Variants in IGSF9 observed in about 807,000 individuals in gnomAD.
The protein encoded by IGSF9 is protein turtle homolog A.
IGSF9 carries 87 observed loss-of-function variants against 121.7 expected under a neutral mutation model. The observed-to-expected ratio is 0.71, with a 90% CI of 0.60 to 0.85. The LOEUF (loss-of-function observed/expected upper bound fraction) is 0.85. Among genes scored for constraint, IGSF9 ranks in the 40% least tolerant of loss-of-function variants. IGSF9 has a pLI of 0.00. For synonymous variants in IGSF9, 640 were observed against 648.4 expected (o/e 0.99, Z 0.20); for missense variants, 1,462 against 1,565.3 (o/e 0.93, Z 1.11).
intron 3 of IGSF9, among the ~76,000 whole-genome samples, chr1:159,938,501 C>A (rs754031375): frequency 5.9e-5 from 9 of 152,198 alleles, no homozygotes; most frequent in Non-Finnish European, 1.2e-4. Flanking sequence ...CACAGCACAA[C>A]CAGACACCTC....
chr1:159,930,786 C>A lies in IGSF9; in HGVS notation c.1719G>T (p.Gly573=), dbSNP rs768495490. Residue 573 remains glycine (G), a synonymous_variant, in exon 14 of 21, where the codon GGG becomes GGT. Coordinates refer to ENST00000368094, the MANE Select transcript of IGSF9 (RefSeq NM_001135050.2). ...ACTGGTACTGGGTGTGGGGCTGCAG[C>A]CCTGGCACTAGGAGGTGAGCAGCCC... ...PVGAAHLLVP[G]LQPHTQYQFS... 4 of 1,614,118 alleles carry A rather than the reference C, an allele frequency of 2.5e-6. No homozygotes were observed. Among genetic ancestry groups the A allele is most frequent in the Non-Finnish European group, 3.4e-6 (4 of 1,179,980 alleles).
At chr1:159,927,627 A>G (rs2101872449) in intron 20 of IGSF9, 101 bp from the exon 21 acceptor site, 2 of 1,537,256 alleles carry the variant, frequency 1.3e-6, no homozygotes, top group East Asian at 4.5e-5. Flanking sequence ...AGATGGCCCA[A>G]GGGGGCAAGG....
chr1:159,930,985 C>T (rs1476549986), intron 13 of IGSF9, 118 bp from the exon 14 acceptor site: 6 of 1,433,542 alleles, frequency 4.2e-6, no homozygotes, highest in Non-Finnish European at 4.7e-6. Context: ...GGACCTTGGC[C>T]CTGAATGCCT....
In IGSF9 at chr1:159,929,396, G is replaced by C. The variant is rs376882006; in HGVS notation, c.2327-3C>G. 3.7e-6 allele frequency: 6 copies of C among 1,613,990 alleles called. No homozygotes were observed. In the African/African-American group the frequency reaches 5.3e-5, roughly 14 times the overall value. Reference sequence around the variant, plus strand: ...CGGAGAGAAGATAAGAGGTGGATCTGGAAGGGCATGAGAATAGTAGGTGAC... The same window carrying C: ...CGGAGAGAAGATAAGAGGTGGATCTCGAAGGGCATGAGAATAGTAGGTGAC... On this transcript the variant is annotated splice_region_variant and splice_polypyrimidine_tract_variant and intron_variant, in intron 17 of 20. Transcript: ENST00000368094.
At chr1:159,937,630 G>C in intron 4 of IGSF9, 56 bp downstream of exon 4, 1 of 1,575,452 alleles carries the variant, frequency 6.3e-7, no homozygotes, top group Non-Finnish European at 8.7e-7. Context: ...ACCAGCCAGA[G>C]ATCCCCATCC....
rs573800058 is a variant in IGSF9, at chr1:159,929,762, G to C, written c.2202C>G (p.Pro734=). Residue 734 remains proline (P), a synonymous_variant, in exon 17 of 21, where the codon CCC becomes CCG. Transcript: ENST00000368094. ...CTCCGCCCACCACGCCGGCCAGCAC[G>C]GGCTGAGGCAGGAGGCCCGGCAGCT... The part of the protein sequence containing the change: ...RTQLPGLLPQ[P]VLAGVVGGVC... The C allele has an allele frequency of 1.9e-6, 3 of 1,606,162 alleles. No individual in the cohort carries two copies. Among genetic ancestry groups the C allele is most frequent in the African/African-American group, 1.3e-5 (1 of 74,940 alleles).
chr1:159,927,089 C>CAT lies in IGSF9; in HGVS notation c.*255_*256insAT. ...CTGTAAAAAACTTCACACACACACA[C>CAT]ACACACACAGAGAGAGAGAGAGAGA... On this transcript the variant is annotated 3_prime_UTR_variant, in exon 21 of 21. Transcript: ENST00000368094. 3.7e-6 allele frequency: 2 copies of CAT among 537,738 alleles called. No homozygotes were observed. Among genetic ancestry groups the CAT allele is most frequent in the Non-Finnish European group, 6.6e-6 (2 of 304,602 alleles). The allele number at this position is 537,738 out of a possible 1,614,324, so 33.3% of individuals were successfully genotyped here.
rs948032274 is a variant in IGSF9 at position 159,931,756 on chromosome 1, G to T, written c.1362+56C>A. 6 of 1,461,676 alleles carry T rather than the reference G, an allele frequency of 4.1e-6. No individual in the cohort carries two copies. The highest frequency in any genetic ancestry group is 4.7e-6 in the Non-Finnish European group (5 of 1,066,862). The allele number at this position is 1,461,676 out of a possible 1,614,324, so 90.5% of individuals were successfully genotyped here. A position where few individuals can be genotyped will look rare whatever the true frequency, so the allele number is the denominator to read the frequency against. ...CCCTCCCACAAAATGGCTGGGGCAC[G>T]AGAGGCAGGGGTGTAGTGGGCGTGG... On this transcript the variant is annotated intron_variant, in intron 11 of 20. Coordinates refer to ENST00000368094, the MANE Select transcript of IGSF9 (RefSeq NM_001135050.2). This position sits in a 1 kb window ranked among gnomAD's most constrained non-coding sequence, Gnocchi z 4.8.
In IGSF9 at chr1:159,927,095, C is replaced by CAGAGAG. The variant is rs575352607; in HGVS notation, c.*249_*250insCTCTCT. ...AAAACTTCACACACACACACACACA[C>CAGAGAG]ACAGAGAGAGAGAGAGAGAGAGAGA... On this transcript the variant is annotated 3_prime_UTR_variant, in exon 21 of 21. Transcript: ENST00000368094. 6.4e-3 allele frequency: 2,900 copies of CAGAGAG among 449,888 alleles called. 11 individuals are homozygous for CAGAGAG. Among genetic ancestry groups the CAGAGAG allele is most frequent in the African/African-American group, 0.023 (1,059 of 47,010 alleles). The allele number at this position is 449,888 out of a possible 1,614,324, so 27.9% of individuals were successfully genotyped here.
intron 3 of IGSF9, 101 bp from the exon 4 acceptor site, chr1:159,937,939 C>T: frequency 7.8e-7 from 1 of 1,275,118 alleles, no homozygotes; most frequent in African/African-American, 1.5e-5. Flanking sequence ...CAGGCTCAGT[C>T]TCTCCCAGTT....
rs1255979389 is a variant in IGSF9, at chr1:159,934,773, G to A, written c.723C>T (p.Ser241=). ...CATGGCAGGCCAATGAAACATCCTGGGAGGCATTGACTGTGCTGTTCTTGG... is the reference window on the plus strand; with the variant it reads ...CATGGCAGGCCAATGAAACATCCTGAGAGGCATTGACTGTGCTGTTCTTGG... The part of the protein sequence containing the change: ...VPPKNSTVNA[S]QDVSLACHAE... Residue 241 remains serine (S), a synonymous_variant, in exon 7 of 21, where the codon TCC becomes TCT. Transcript: ENST00000368094. 3 of 1,614,070 alleles carry A rather than the reference G, an allele frequency of 1.9e-6. No homozygotes were observed. The highest frequency in any genetic ancestry group is 3.3e-5 in the Admixed American group (2 of 60,010).
chr1:159,930,116 A>C, intron 15 of IGSF9, 73 bp downstream of exon 15: 1 of 1,551,354 alleles, frequency 6.4e-7, no homozygotes, highest in Non-Finnish European at 8.7e-7. Flanking sequence ...ATGAGAAGAT[A>C]GAGTTTGGGG....
rs1651044879 is a variant in IGSF9, at chr1:159,932,845, G to A, written c.1105-193C>T. 6 of 570,036 alleles carry A rather than the reference G, an allele frequency of 1.1e-5. No individual in the cohort carries two copies. The highest frequency in any genetic ancestry group is 1.8e-5 in the Non-Finnish European group (6 of 328,638). The allele number at this position is 570,036 out of a possible 1,614,324, so 35.3% of individuals were successfully genotyped here. ...TCCTGCAGAGGGACCCCTCCCAATA[G>A]TGTGAGGCTGTGACTGCACAACTCC... is the stretch of plus-strand genomic sequence containing the variant. On this transcript the variant is annotated intron_variant, in intron 9 of 20. Transcript: ENST00000368094. The surrounding 1 kb of genome is among the most constrained non-coding windows in gnomAD (Gnocchi z 4.1).
Position 159,931,403 on chromosome 1 carries a change from G to T in IGSF9, c.1513+50C>A. On this transcript the variant is annotated intron_variant, in intron 12 of 20. Transcript: ENST00000368094. The surrounding 1 kb of genome is among the most constrained non-coding windows in gnomAD (Gnocchi z 4.8). ...ATCCTCTTTCTGGGCCTCCAAAAAC[G>T]ATTCCCAAGTAGTTTCTCCCAGCCC... The T allele has an allele frequency of 6.2e-7, 1 of 1,600,654 alleles. No homozygotes were observed. The highest frequency in any genetic ancestry group is 8.5e-7 in the Non-Finnish European group (1 of 1,171,032).
chr1:159,935,626 G>C (rs998785120), intron 6 of IGSF9, among the ~76,000 whole-genome samples: 1 of 152,204 alleles, frequency 6.6e-6, no homozygotes, highest in Non-Finnish European at 1.5e-5. Context: ...GTCATGATGC[G>C]AGCTGACACA....
chr1:159,943,023 G>A lies in IGSF9; in HGVS notation c.187C>T (p.Leu63=). 1 of 1,613,476 alleles carries A rather than the reference G, an allele frequency of 6.2e-7. No individual in the cohort carries two copies. Among genetic ancestry groups the A allele is most frequent in the South Asian group, 1.1e-5 (1 of 90,956 alleles). ...HVIEWLRFGF[L]LPIFIQFGLY... ...CCGAACTGGATGAAGATGGGAAGCAGGAATCCAAAGCGCAGCCACTCGATG... is the reference window on the plus strand; with the variant it reads ...CCGAACTGGATGAAGATGGGAAGCAAGAATCCAAAGCGCAGCCACTCGATG... The change falls in exon 3 of 21, where the codon CTG becomes TTG. Residue 63 remains leucine, a synonymous_variant. Coordinates refer to ENST00000368094, the MANE Select transcript of IGSF9 (RefSeq NM_001135050.2).
In IGSF9 at chr1:159,931,985, T is replaced by A; in HGVS notation, c.1246-57A>T. On this transcript the variant is annotated intron_variant, in intron 10 of 20. Transcript: ENST00000368094. The surrounding 1 kb of genome is among the most constrained non-coding windows in gnomAD (Gnocchi z 4.8). ...CTCTCTTACATCTAAGGCTGGCTAC[T>A]CCCTCTCTCTGTGCTCCCTGTCATG... 2 of 1,086,616 alleles carry A rather than the reference T, an allele frequency of 1.8e-6. No individual in the cohort carries two copies. The highest frequency in any genetic ancestry group is 2.8e-5 in the South Asian group (2 of 71,396). The allele number at this position is 1,086,616 out of a possible 1,614,324, so 67.3% of individuals were successfully genotyped here. A position where few individuals can be genotyped will look rare whatever the true frequency, so the allele number is the denominator to read the frequency against.
intron 3 of IGSF9, among the ~76,000 whole-genome samples, chr1:159,940,036 T>C (rs1651325570): frequency 6.6e-6 from 1 of 152,204 alleles, no homozygotes. Flanking sequence ...GAAGATTGAG[T>C]GTGGAATACA....
Position 159,932,777 on chromosome 1 carries a change from G to A in IGSF9, c.1105-125C>T. 1 of 901,886 alleles carries A rather than the reference G, an allele frequency of 1.1e-6. No homozygotes were observed. 55.9% of individuals were successfully genotyped at this position (901,886 alleles called of 1,614,324 possible). ...GTGCAGAAGACTCCAGCAGCTCCAT[G>A]TCTAGGCCTGACCCCTCTCTGATTT... On this transcript the variant is annotated intron_variant, in intron 9 of 20. Coordinates refer to ENST00000368094, the MANE Select transcript of IGSF9 (RefSeq NM_001135050.2). This position sits in a 1 kb window ranked among gnomAD's most constrained non-coding sequence, Gnocchi z 4.1.
Sources: allele counts gnomAD v4.1 joint callset (sites outside exome capture counted in the v4.1 genomes callset), GRCh38; gene constraint gnomAD v4.1.1; non-coding constraint Gnocchi (gnomAD v3.1); transcripts MANE v1.5; gene names NCBI Gene and HGNC (gene_info 2026-07-23, HGNC 2026-07-21).